Variants in CLVS2 observed in about 807,000 individuals in gnomAD.
The protein encoded by CLVS2 is clavesin-2.
CLVS2 carries 19 observed loss-of-function variants against 29.0 expected under a neutral mutation model. The ratio of observed to expected loss-of-function variants is 0.66; its 90% confidence interval spans 0.46 to 0.96. The LOEUF (loss-of-function observed/expected upper bound fraction) is 0.96. CLVS2 is among the 40% of genes least tolerant of loss of function. The probability of loss-of-function intolerance (pLI) is 0.00; values close to 1 mark genes in which losing one functional copy is unlikely to be tolerated. For synonymous variants in CLVS2, 161 were observed against 151.3 expected, an observed-to-expected ratio of 1.06 and a Z score of -0.47; for missense variants, 294 against 404.1, an observed-to-expected ratio of 0.73 and a Z score of 2.34.
At chr6:123,020,927 G>T (rs1030611646) in intron 3 of CLVS2, among the ~76,000 whole-genome samples, 1 of 151,632 alleles carries the variant, frequency 6.6e-6, no homozygotes, top group African/African-American at 2.4e-5. Context: ...TCACCTTTGT[G>T]TCATCTTAGC....
chr6:123,061,064 G>A (rs1418752626), intron 5 of CLVS2, among the ~76,000 whole-genome samples: 3 of 152,342 alleles, frequency 2.0e-5, no homozygotes, highest in African/African-American at 2.4e-5. Context: ...ACTTTGGGAG[G>A]CCAAAGCGGG....
chr6:123,006,404 A>G (rs1774669842), intron 2 of CLVS2, among the ~76,000 whole-genome samples: 1 of 152,180 alleles, frequency 6.6e-6, no homozygotes, highest in South Asian at 2.1e-4. Context: ...TTTCAGGCCA[A>G]TTAATGTTTT....
In CLVS2 at chr6:122,997,936, C is replaced by T; in HGVS notation, c.159C>T (p.Phe53=). 1 of 1,614,218 alleles carries T rather than the reference C, an allele frequency of 6.2e-7. No homozygotes were observed. Among genetic ancestry groups the T allele is most frequent in the Non-Finnish European group, 8.5e-7 (1 of 1,180,026 alleles). The change falls in exon 2 of 6, where the codon TTC becomes TTT. Residue 53 remains phenylalanine (F), a synonymous_variant. Transcript: ENST00000275162. The part of the protein sequence containing the change: ...DIGFLRTDDA[F]ILRFLRARKF... ...GCTTTCTGCGCACGGATGATGCCTT[C>T]ATCTTACGCTTCTTGCGGGCTAGGA...
chr6:123,047,921 T>C (rs1772541543), intron 3 of CLVS2, among the ~76,000 whole-genome samples: 1 of 152,194 alleles, frequency 6.6e-6, no homozygotes, highest in African/African-American at 2.4e-5. Context: ...GCTAGGGCTG[T>C]ACCTATTTAA....
Position 123,065,480 on chromosome 6 carries a change from A to G in CLVS2, c.*1719A>G, listed in dbSNP as rs1163981643. 1 of 151,850 alleles carries G rather than the reference A, an allele frequency of 6.6e-6. No homozygotes were observed. The highest frequency in any genetic ancestry group is 1.5e-5 in the Non-Finnish European group (1 of 67,820). The allele number at this position is 151,850 out of a possible 1,614,324, so 9.4% of individuals were successfully genotyped here. ...TGCCTCATGTGTGTAAAAATACATT[A>G]ATTAACACAAATGAAAGATACCTTA... On this transcript the variant is annotated 3_prime_UTR_variant, in exon 6 of 6. Transcript: ENST00000275162.
intron 3 of CLVS2, among the ~76,000 whole-genome samples, chr6:123,020,328 A>G (rs1774902137): frequency 6.6e-6 from 1 of 152,068 alleles, no homozygotes; most frequent in South Asian, 2.1e-4. Flanking sequence ...TGAATGCCAT[A>G]TCAGTGCTCA....
At position 123,017,133 on chromosome 6, in the gene CLVS2, G is replaced by A. The variant is rs142929707; in HGVS notation, c.564+5974G>A. Among the ~76,000 whole-genome samples the A allele has an allele frequency of 3.1e-3, 469 of 152,060 alleles. 2 individuals carry two copies. Among genetic ancestry groups the A allele is most frequent in the Middle Eastern group, 0.01 (3 of 294 alleles). Reference sequence around the variant, plus strand: ...GTGTGTGTGCGTAAGATGGTTAAGGGAGAGTGTAGAAAAGAACTTAGTGAG... The same window carrying A: ...GTGTGTGTGCGTAAGATGGTTAAGGAAGAGTGTAGAAAAGAACTTAGTGAG... On this transcript the variant is annotated intron_variant, in intron 3 of 5. Transcript: ENST00000275162.
Position 122,998,018 on chromosome 6 carries a change from C to G in CLVS2, c.241C>G (p.Gln81Glu). 3 of 1,614,136 alleles carry G rather than the reference C, an allele frequency of 1.9e-6. No individual in the cohort carries two copies. The highest frequency in any genetic ancestry group is 2.5e-6 in the Non-Finnish European group (3 of 1,180,020). Residue 81 changes from glutamine to glutamate, a missense_variant, in exon 2 of 6, where the codon CAG becomes GAG. Physicochemically the swap from Gln to Glu is conservative, Grantham distance 29. Around this residue, in one of 2 missense-constraint regions of CLVS2, gnomAD observed 212 missense variants for 336.4 expected, o/e 0.63. Transcript: ENST00000275162. ...GGCGCAGTACTTTGAGTACCGGCAG[C>G]AGAACCTGGACATGTTCAAAAGCTT... The part of the protein sequence containing the change: ...LLAQYFEYRQ[Q>E]NLDMFKSFKA...
At chr6:123,012,953 A>G (rs1774772494) in intron 3 of CLVS2, among the ~76,000 whole-genome samples, 1 of 152,034 alleles carries the variant, frequency 6.6e-6, no homozygotes, top group South Asian at 2.1e-4. Context: ...TTTTTATTTT[A>G]AGTTCAAATT....
chr6:123,025,366 T>C (rs748066775), intron 3 of CLVS2, among the ~76,000 whole-genome samples: 3 of 152,116 alleles, frequency 2.0e-5, no homozygotes, highest in Non-Finnish European at 4.4e-5. Flanking sequence ...CTCATTGTCA[T>C]TGGTTGGGAA....
intron 3 of CLVS2, among the ~76,000 whole-genome samples, chr6:123,017,268 T>A (rs1582648072): frequency 6.6e-6 from 1 of 152,090 alleles, no homozygotes; most frequent in Admixed American, 6.6e-5. Context: ...TTAGAATGCT[T>A]TAGACAATAG....
rs1156991889 is a variant in CLVS2, at chr6:123,070,094, GT to G, written c.*6335del. On this transcript the variant is annotated 3_prime_UTR_variant, in exon 6 of 6. Transcript: ENST00000275162. ...ATTAAGTTTTAGTGCTAGAAAAATT[GT>G]TGTTTTTTGTGTTTTGTATTCATAG... 2 of 151,828 alleles carry G rather than the reference GT, an allele frequency of 1.3e-5. No individual in the cohort carries two copies. The highest frequency in any genetic ancestry group is 2.9e-5 in the Non-Finnish European group (2 of 67,860). 9.4% of individuals were successfully genotyped at this position (151,828 alleles called of 1,614,324 possible).
chr6:123,014,419 T>G (rs944627379), intron 3 of CLVS2, among the ~76,000 whole-genome samples: 1 of 152,086 alleles, frequency 6.6e-6, no homozygotes, highest in African/African-American at 2.4e-5. Context: ...CATTATTATA[T>G]ATATTCATAC....
At chr6:123,022,547 GATA>G (rs1477763310) in intron 3 of CLVS2, among the ~76,000 whole-genome samples, 1 of 151,990 alleles carries the variant, frequency 6.6e-6, no homozygotes, top group Non-Finnish European at 1.5e-5. Flanking sequence ...GTATGGTGAT[GATA>G]ATGATGATGA....
At chr6:123,011,913 T>C (rs147130412) in intron 3 of CLVS2, among the ~76,000 whole-genome samples, 56 of 152,220 alleles carry the variant, frequency 3.7e-4, no homozygotes, top group African/African-American at 1.3e-3. Flanking sequence ...CCTTGAGTGA[T>C]GTAATTCATT....
chr6:122,999,209 A>G lies in CLVS2; in HGVS notation c.389+1043A>G, dbSNP rs73772806. 2.0e-3 allele frequency among the ~76,000 whole-genome samples: 301 copies of G among 152,320 alleles called. 1 individual carries two copies. The highest frequency in any genetic ancestry group is 6.9e-3 in the African/African-American group (289 of 41,588). ...CTTTCAATGCATCTGGTTAGTTTAA[A>G]TCATCTCTGGAGCCATCGTACAAGA... is the stretch of plus-strand genomic sequence containing the variant. On this transcript the variant is annotated intron_variant, in intron 2 of 5. Coordinates refer to ENST00000275162, the MANE Select transcript of CLVS2 (RefSeq NM_001010852.4).
chr6:123,046,285 T>A (rs566944987), intron 3 of CLVS2, among the ~76,000 whole-genome samples: 166 of 152,174 alleles, frequency 1.1e-3, no homozygotes, highest in Non-Finnish European at 1.8e-3. Context: ...TGTGTGCAAG[T>A]TATGTGTATA....
intron 4 of CLVS2, 33 bp downstream of exon 4, chr6:123,048,765 T>G (rs6900862): frequency 1.5e-6 from 2 of 1,341,152 alleles, no homozygotes; most frequent in Admixed American, 1.7e-5. Flanking sequence ...ATCCTTTCTC[T>G]TCCGCCATCC....
chr6:123,065,912 A>G lies in CLVS2; in HGVS notation c.*2151A>G, dbSNP rs1018258462. On this transcript the variant is annotated 3_prime_UTR_variant, in exon 6 of 6. Coordinates refer to ENST00000275162, the MANE Select transcript of CLVS2 (RefSeq NM_001010852.4). ...GTGTCATATATAAAAATAACTAGAA[A>G]GGCATATTTTATATGTATGCCTATC... 2.0e-5 allele frequency: 3 copies of G among 151,720 alleles called. No individual in the cohort carries two copies. The allele number at this position is 151,720 out of a possible 1,614,324, so 9.4% of individuals were successfully genotyped here.
Sources: gnomAD v4.1 joint callset for allele counts (sites outside exome capture counted in the v4.1 genomes callset) on GRCh38, gnomAD v4.1.1 for gene constraint, gnomAD v4.1.1 regional missense constraint, MANE v1.5 for transcripts, NCBI Gene and HGNC (gene_info 2026-07-23, HGNC 2026-07-21) for gene names.